GAB1: variants seen among roughly 807,000 people sequenced by gnomAD.
GAB1 encodes the protein GRB2 associated binding protein 1, also known as GRB2-associated-binding protein 1.
In GAB1, 19 loss-of-function variants were observed where a neutral mutation model predicts 66.5. The ratio of observed to expected loss-of-function variants is 0.29; its 90% CI spans 0.20 to 0.42. GAB1 has a LOEUF of 0.42. Among genes scored for constraint, GAB1 ranks in the 10% least tolerant of loss-of-function variants. The probability of loss-of-function intolerance (pLI) is 1.00; values close to 1 mark genes in which losing one functional copy is unlikely to be tolerated. For synonymous variants in GAB1, 294 were observed against 301.4 expected (o/e 0.98, Z 0.25); for missense variants, 732 against 858.5 (o/e 0.85, Z 1.84).
At chr4:143,373,439 AT>A (rs765173458) in intron 1 of GAB1, among the ~76,000 whole-genome samples, 14 of 152,194 alleles carry the variant, frequency 9.2e-5, no homozygotes, top group Non-Finnish European at 1.9e-4. Flanking sequence ...TATGTCATCC[AT>A]TTTACATTTC....
At chr4:143,468,994 T>C (rs1735948720) in intron 9 of GAB1, 37 bp from the exon 10 acceptor site, 3 of 1,608,994 alleles carry the variant, frequency 1.9e-6, no homozygotes, top group Admixed American at 1.7e-5. Flanking sequence ...AACACTCCTT[T>C]ATATGTTGGA....
intron 7 of GAB1, 85 bp from the exon 8 acceptor site, chr4:143,460,279 C>A: frequency 7.9e-7 from 1 of 1,265,438 alleles, no homozygotes; most frequent in Non-Finnish European, 1.1e-6. Flanking sequence ...TGAAAGAATG[C>A]AGACTGTCTC....
At chr4:143,389,465 G>A (rs1418592850) in intron 1 of GAB1, among the ~76,000 whole-genome samples, 2 of 152,226 alleles carry the variant, frequency 1.3e-5, no homozygotes, top group African/African-American at 4.8e-5. Context: ...GAGTTCAACA[G>A]CAGGCGCTTG....
rs952860835 is a variant in GAB1 at position 143,473,329 on chromosome 4, T to G, written c.*4140T>G. 1 of 152,244 alleles carries G rather than the reference T, an allele frequency of 6.6e-6. No homozygotes were observed. Among genetic ancestry groups the G allele is most frequent in the African/African-American group, 2.4e-5 (1 of 41,474 alleles). The allele number at this position is 152,244 out of a possible 1,614,324, so 9.4% of individuals were successfully genotyped here. ...GTTTCAAGACCTTAAATAGACAAGT[T>G]GGATACTAAGATTGTGAACTGATAA... On this transcript the variant is annotated 3_prime_UTR_variant, in exon 10 of 10. Coordinates refer to ENST00000262994, the MANE Select transcript of GAB1 (RefSeq NM_002039.4).
intron 1 of GAB1, among the ~76,000 whole-genome samples, chr4:143,405,622 A>G (rs1433043637): frequency 6.6e-6 from 1 of 152,208 alleles, no homozygotes; most frequent in Non-Finnish European, 1.5e-5. Context: ...GTTATCACCC[A>G]TGCCTTTTAA....
intron 6 of GAB1, among the ~76,000 whole-genome samples, chr4:143,450,871 A>G (rs1734889910): frequency 1.3e-5 from 2 of 149,802 alleles, no homozygotes; most frequent in African/African-American, 5.0e-5. Flanking sequence ...AGCCTGGGCA[A>G]CAGAGCAAGA....
chr4:143,350,449 G>A (rs936190618), intron 1 of GAB1, among the ~76,000 whole-genome samples: 2 of 151,996 alleles, frequency 1.3e-5, no homozygotes, highest in Admixed American at 6.6e-5. Flanking sequence ...GAGGCGGGGC[G>A]GGCACATCAC....
intron 1 of GAB1, among the ~76,000 whole-genome samples, chr4:143,382,745 C>A (rs1225076211): frequency 4.0e-5 from 6 of 151,536 alleles, no homozygotes; most frequent in Non-Finnish European, 2.9e-5. Flanking sequence ...ACTGAGGACG[C>A]TGATTTGTTA....
chr4:143,432,335 C>G (rs1252771849), intron 2 of GAB1, among the ~76,000 whole-genome samples: 1 of 152,066 alleles, frequency 6.6e-6, no homozygotes, highest in Non-Finnish European at 1.5e-5. Context: ...TTTCTCATGC[C>G]CCACATTCGG....
chr4:143,373,868 A>AATAAATATATAAATATAT, intron 1 of GAB1, among the ~76,000 whole-genome samples: 1 of 93,670 alleles, frequency 1.1e-5, no homozygotes, highest in Non-Finnish European at 2.1e-5. Context: ...TAAATAAATA[A>AATAAATATATAAATATAT]ATATATATAT....
At chr4:143,425,329 C>T in intron 2 of GAB1, 1 of 780,740 alleles carries the variant, frequency 1.3e-6, no homozygotes, top group Non-Finnish European at 2.3e-6. Flanking sequence ...GCTGCTGCCA[C>T]TGGAGCCAAT....
intron 1 of GAB1, chr4:143,350,209 T>G (rs980122831): frequency 2.5e-4 from 151 of 609,808 alleles, no homozygotes; most frequent in Non-Finnish European, 9.9e-5. Context: ...CCCCAAGCAC[T>G]GTGCCTTCTG....
At chr4:143,432,183 G>T (rs776725272) in intron 2 of GAB1, among the ~76,000 whole-genome samples, 6 of 152,200 alleles carry the variant, frequency 3.9e-5, no homozygotes, top group Non-Finnish European at 7.3e-5. Context: ...CTCGAAAAAA[G>T]AAGGAAAAGG....
At chr4:143,359,655 T>C (rs989778667) in intron 1 of GAB1, among the ~76,000 whole-genome samples, 1 of 152,216 alleles carries the variant, frequency 6.6e-6, no homozygotes, top group African/African-American at 2.4e-5. Flanking sequence ...CATTGTTGAG[T>C]ATGTCCTTTT....
Position 143,470,174 on chromosome 4 carries a change from A to G in GAB1, c.*985A>G, listed in dbSNP as rs1469692095. The stretch of plus-strand genomic sequence containing the variant: ...GTGATTTTTAATTAGATAGTAATTC[A>G]GATTTATTACTCTATGAAATTCTGT... On this transcript the variant is annotated 3_prime_UTR_variant, in exon 10 of 10. Coordinates refer to ENST00000262994, the MANE Select transcript of GAB1 (RefSeq NM_002039.4). The G allele has an allele frequency of 2.6e-5, 4 of 152,214 alleles. No individual in the cohort carries two copies. Among genetic ancestry groups the G allele is most frequent in the African/African-American group, 7.2e-5 (3 of 41,458 alleles). 9.4% of individuals were successfully genotyped at this position (152,214 alleles called of 1,614,324 possible). A position where few individuals can be genotyped will look rare whatever the true frequency, so the allele number is the denominator to read the frequency against.
At chr4:143,395,824 G>A (rs947433109) in intron 1 of GAB1, 4 of 452,234 alleles carry the variant, frequency 8.8e-6, no homozygotes, top group East Asian at 6.9e-5. Context: ...AAGGACTTGG[G>A]GGTAACAAAA....
At chr4:143,446,602 G>T (rs1172354446) in intron 6 of GAB1, among the ~76,000 whole-genome samples, 1 of 152,224 alleles carries the variant, frequency 6.6e-6, no homozygotes, top group African/African-American at 2.4e-5. Flanking sequence ...CTTTTGAGAA[G>T]TGTCTGTTCA....
chr4:143,380,843 G>A (rs935644496), intron 1 of GAB1: 3 of 152,218 alleles, frequency 2.0e-5, no homozygotes, highest in African/African-American at 4.8e-5. Context: ...ATGGTTCTCT[G>A]CAGCAGCGCT....
intron 1 of GAB1, among the ~76,000 whole-genome samples, chr4:143,381,219 A>G (rs1450994579): frequency 6.6e-6 from 1 of 152,194 alleles, no homozygotes; most frequent in Non-Finnish European, 1.5e-5. Context: ...TAATATAGGA[A>G]TAATGATGAT....
Sources: gnomAD v4.1 joint callset for allele counts (sites outside exome capture counted in the v4.1 genomes callset) on GRCh38, gnomAD v4.1.1 for gene constraint, MANE v1.5 for transcripts, NCBI Gene and HGNC (gene_info 2026-07-23, HGNC 2026-07-21) for gene names.